Variants in CNGB1 observed in about 807,000 individuals in gnomAD.
CNGB1 encodes the protein cyclic nucleotide gated channel subunit beta 1.
In CNGB1, 126 loss-of-function variants were observed where a neutral mutation model predicts 151.7. The observed-to-expected ratio is 0.83, with a 90% CI of 0.72 to 0.96. The LOEUF (loss-of-function observed/expected upper bound fraction) is 0.96, where lower values mean the gene tolerates loss of function less well. Among genes scored for constraint, CNGB1 ranks in the 40% least tolerant of loss-of-function variants. The pLI is 0.00. For missense variants in CNGB1, 1,698 were observed against 1,627.0 expected, an observed-to-expected ratio of 1.04 and a Z score of -0.75; for synonymous variants, 623 against 635.1, an observed-to-expected ratio of 0.98 and a Z score of 0.29.
Position 57,911,734 on chromosome 16 carries a change from G to T in CNGB1, c.2492+19C>A. On this transcript the variant is annotated intron_variant, in intron 25 of 32. Coordinates refer to ENST00000251102, the MANE Select transcript of CNGB1 (RefSeq NM_001297.5). ...GAAGGTCACCCAGGCATGGCCCCAG[G>T]GGGAGGACTGTGGCTCACCTGTTTC... The T allele has an allele frequency of 6.2e-7, 1 of 1,613,548 alleles. No individual in the cohort carries two copies.
intron 13 of CNGB1, among the ~76,000 whole-genome samples, chr16:57,949,991 G>A (rs992736969): frequency 6.6e-6 from 1 of 152,160 alleles, no homozygotes; most frequent in South Asian, 2.1e-4. Flanking sequence ...ATAGTGAAGA[G>A]GTTTAATAAA....
intron 31 of CNGB1, among the ~76,000 whole-genome samples, chr16:57,896,294 C>T (rs921865664): frequency 3.3e-5 from 5 of 152,146 alleles, no homozygotes; most frequent in South Asian, 2.1e-4. Flanking sequence ...TGGCATCGTG[C>T]GCCTCTCGAT....
intron 25 of CNGB1, among the ~76,000 whole-genome samples, chr16:57,910,707 A>AT (rs35839595): frequency 0.18 from 20,242 of 113,460 alleles, 1,698 homozygotes; most frequent in Middle Eastern, 0.22. Context: ...CCAAGCAGAG[A>AT]TTTTTTTAAA....
chr16:57,934,162 A>T (rs796489373), intron 16 of CNGB1, among the ~76,000 whole-genome samples: 2 of 152,238 alleles, frequency 1.3e-5, no homozygotes, highest in African/African-American at 4.8e-5. Flanking sequence ...AGTTGTTAAA[A>T]ATGTAAAGGG....
At chr16:57,955,330 C>T (rs1962057578) in intron 12 of CNGB1, 3 of 1,551,882 alleles carry the variant, frequency 1.9e-6, no homozygotes, top group East Asian at 2.4e-5. Context: ...CCCAGATTCC[C>T]TTCTCCCTTA....
rs377424632 is a variant in CNGB1 at position 57,888,016 on chromosome 16, G to A, written c.3301C>T (p.Pro1101Ser). 2.5e-6 allele frequency: 4 copies of A among 1,614,064 alleles called. No individual in the cohort carries two copies. The highest frequency in any genetic ancestry group is 3.4e-6 in the Non-Finnish European group (4 of 1,180,042). ...AAGAGCTTTGGGGTGCCCGCCCGGG[G>A]TGGAAGGATCAGCACGCTCTTCTCC... ...KEEKSVLILPPRAGTPKLFNA... is the reference protein window; with the variant it reads ...KEEKSVLILPSRAGTPKLFNA... Residue 1101 changes from proline to serine, a missense_variant, in exon 32 of 33, where the codon CCC (proline) becomes TCC (serine). Coordinates refer to ENST00000251102, the MANE Select transcript of CNGB1 (RefSeq NM_001297.5).
intron 25 of CNGB1, among the ~76,000 whole-genome samples, chr16:57,905,119 G>A (rs1960511505): frequency 6.6e-6 from 1 of 152,168 alleles, no homozygotes; most frequent in African/African-American, 2.4e-5. Context: ...CCCATTTACA[G>A]ATATGGAAAC....
chr16:57,955,511 G>T, intron 12 of CNGB1: 1 of 715,980 alleles, frequency 1.4e-6, no homozygotes, highest in South Asian at 1.7e-5. Flanking sequence ...CCCATGACAT[G>T]GGACGTGAGT....
intron 17 of CNGB1, among the ~76,000 whole-genome samples, chr16:57,923,841 C>T (rs1961114949): frequency 6.6e-6 from 1 of 152,298 alleles, no homozygotes; most frequent in Admixed American, 6.5e-5. Context: ...CTCTATCACA[C>T]CACCTTTTCA....
chr16:57,912,863 T>C, intron 24 of CNGB1, 67 bp downstream of exon 24: 1 of 1,480,136 alleles, frequency 6.8e-7, no homozygotes, highest in Non-Finnish European at 9.4e-7. Context: ...GTGTGTGTAT[T>C]GCGTGTGTTG....
chr16:57,899,615 G>A (rs1260682396), intron 29 of CNGB1, among the ~76,000 whole-genome samples: 2 of 151,858 alleles, frequency 1.3e-5, no homozygotes, highest in African/African-American at 4.8e-5. Context: ...ACTCCACCCT[G>A]GGAGAGAGAG....
intron 32 of CNGB1, among the ~76,000 whole-genome samples, chr16:57,886,212 G>A (rs145965148): frequency 6.6e-6 from 1 of 152,254 alleles, no homozygotes; most frequent in East Asian, 1.9e-4. Context: ...CCTGTACTCT[G>A]CCATTCTGCC....
chr16:57,950,183 T>C (rs994045720), intron 13 of CNGB1, among the ~76,000 whole-genome samples, 198 bp downstream of exon 13: 61 of 152,342 alleles, frequency 4.0e-4, no homozygotes, highest in African/African-American at 1.4e-3. Context: ...CGAGCTTGCA[T>C]GTACCCAGAC....
In CNGB1 at chr16:57,958,313, G is replaced by A. The variant is rs567060297; in HGVS notation, c.837+97C>T. The A allele has an allele frequency of 1.9e-5, 13 of 669,570 alleles. No homozygotes were observed. The African/African-American group carries it at 1.1e-3, about 55-fold the overall frequency. 41.5% of individuals were successfully genotyped at this position (669,570 alleles called of 1,614,324 possible). ...CAGACAGGAAGGCTGGGGGAGCTGG[G>A]CTTCTGCCACAGGGCCAACCATCCT... On this transcript the variant is annotated intron_variant, in intron 11 of 32. Coordinates refer to ENST00000251102, the MANE Select transcript of CNGB1 (RefSeq NM_001297.5).
At chr16:57,904,945 C>T in intron 25 of CNGB1, 70 bp from the exon 26 acceptor site, 2 of 1,592,874 alleles carry the variant, frequency 1.3e-6, no homozygotes, top group Non-Finnish European at 1.7e-6. Context: ...CAGTCTGGCT[C>T]AGACGCCTCT....
At chr16:57,891,356 G>A (rs77014482) in intron 31 of CNGB1, among the ~76,000 whole-genome samples, 11,216 of 152,098 alleles carry the variant, frequency 0.074, 767 homozygotes, top group African/African-American at 0.18. Context: ...CATAATACAT[G>A]AACTTGGCCA....
chr16:57,967,937 G>C (rs1440313179), intron 1 of CNGB1, among the ~76,000 whole-genome samples: 2 of 152,118 alleles, frequency 1.3e-5, no homozygotes, highest in Non-Finnish European at 2.9e-5. Context: ...CTGGTTATTG[G>C]AAAGTACCTA....
rs1368528200 is a variant in CNGB1 at position 57,961,009 on chromosome 16, G to A, written c.459-94C>T. On this transcript the variant is annotated intron_variant, in intron 7 of 32. Transcript: ENST00000251102. ...GGGCCAGGCCTCAACCAGCCATTCCGTGCCCTCCAATCCTGTTCTGCACAG... is the reference window on the plus strand; with the variant it reads ...GGGCCAGGCCTCAACCAGCCATTCCATGCCCTCCAATCCTGTTCTGCACAG... 1.7e-5 allele frequency: 19 copies of A among 1,136,314 alleles called. No individual in the cohort carries two copies. In the Admixed American group the frequency reaches 1.7e-4, roughly 10 times the overall value. 70.4% of individuals were successfully genotyped at this position (1,136,314 alleles called of 1,614,324 possible).
In CNGB1 at chr16:57,891,119, G is replaced by C. The variant is rs537758392; in HGVS notation, c.3243-3045C>G. Among the ~76,000 whole-genome samples the C allele has an allele frequency of 2.0e-5, 3 of 152,340 alleles. No individual in the cohort carries two copies. In the South Asian group the frequency reaches 6.2e-4, roughly 32 times the overall value. The stretch of plus-strand genomic sequence containing the variant: ...CCAGCAGGATGGGTAACAGCTAAAA[G>C]CATGGCTTTCCTGAGCTTTGCTCCT... On this transcript the variant is annotated intron_variant, in intron 31 of 32. Coordinates refer to ENST00000251102, the MANE Select transcript of CNGB1 (RefSeq NM_001297.5).
Sources: allele counts gnomAD v4.1 joint callset (sites outside exome capture counted in the v4.1 genomes callset), GRCh38; gene constraint gnomAD v4.1.1; transcripts MANE v1.5; gene names NCBI Gene and HGNC (gene_info 2026-07-23, HGNC 2026-07-21).